Variants in SLC22A23 observed in about 807,000 individuals in gnomAD.
SLC22A23 encodes the protein ion transporter protein.
SLC22A23 carries 26 observed loss-of-function variants against 61.0 expected under a neutral mutation model. That is an observed-to-expected ratio of 0.43 (90% CI 0.31 to 0.59). The LOEUF is 0.59. Ranked by LOEUF, SLC22A23 falls within the 20% of genes least tolerant of loss-of-function variation. SLC22A23 has a pLI of 0.11. For missense variants in SLC22A23, 796 were observed against 934.7 expected (o/e 0.85, Z 1.94); for synonymous variants, 430 against 413.9 (o/e 1.04, Z -0.47).
intron 3 of SLC22A23, among the ~76,000 whole-genome samples, chr6:3,404,283 A>C (rs1433636920): frequency 6.6e-6 from 1 of 152,248 alleles, no homozygotes; most frequent in Non-Finnish European, 1.5e-5. Flanking sequence ...ACATTTAGGC[A>C]ATAGCTACAT....
intron 3 of SLC22A23, among the ~76,000 whole-genome samples, chr6:3,363,880 T>C (rs369118833): frequency 1.3e-5 from 2 of 152,240 alleles, no homozygotes; most frequent in East Asian, 3.9e-4. Flanking sequence ...AGACAGGACA[T>C]GGGGCAGAGC....
intron 3 of SLC22A23, among the ~76,000 whole-genome samples, chr6:3,334,025 C>G (rs906654807): frequency 6.6e-6 from 1 of 152,244 alleles, no homozygotes; most frequent in African/African-American, 2.4e-5. Context: ...GAGTTTTATA[C>G]ATCTCAGCCC....
At chr6:3,442,527 T>C (rs1341207901) in intron 1 of SLC22A23, among the ~76,000 whole-genome samples, 1 of 151,878 alleles carries the variant, frequency 6.6e-6, no homozygotes, top group Non-Finnish European at 1.5e-5. Flanking sequence ...AACAGTGGAG[T>C]TCCTCAACAC....
chr6:3,285,613 G>A (rs969955841), intron 7 of SLC22A23, among the ~76,000 whole-genome samples: 3 of 28,896 alleles, frequency 1.0e-4, no homozygotes, highest in Admixed American at 1.9e-3. Flanking sequence ...GTGTGAGCAG[G>A]AGACTCCCTG....
At chr6:3,311,701 A>T (rs1426703743) in intron 4 of SLC22A23, 1 of 152,232 alleles carries the variant, frequency 6.6e-6, no homozygotes, top group African/African-American at 2.4e-5. Context: ...CTTGGGAGAA[A>T]AAGTGCATTC....
At position 3,286,705 on chromosome 6, in the gene SLC22A23, A is replaced by G. The variant is rs1760041111; in HGVS notation, c.1546+154T>C. Among the ~76,000 whole-genome samples, 1 of 152,192 alleles carries G rather than the reference A, an allele frequency of 6.6e-6. No homozygotes were observed. Among genetic ancestry groups the G allele is most frequent in the African/African-American group, 2.4e-5 (1 of 41,454 alleles). Reference sequence around the variant, plus strand: ...GTGCCCTCTAAGGCGGGCTCCACAGATGCTCTCAACTGAAGCTCTGTTCTC... The same window carrying G: ...GTGCCCTCTAAGGCGGGCTCCACAGGTGCTCTCAACTGAAGCTCTGTTCTC... On this transcript the variant is annotated intron_variant, in intron 7 of 9. Transcript: ENST00000406686. The surrounding 1 kb of genome is among the most constrained non-coding windows in gnomAD (Gnocchi z 4.2).
intron 9 of SLC22A23, among the ~76,000 whole-genome samples, chr6:3,278,847 C>T (rs776750778): frequency 2.0e-5 from 3 of 152,196 alleles, no homozygotes; most frequent in Non-Finnish European, 4.4e-5. Flanking sequence ...TCCCAGGTTT[C>T]TGCCTGACCT....
chr6:3,451,130 TTACTC>T (rs1772137530), intron 1 of SLC22A23, among the ~76,000 whole-genome samples: 1 of 152,218 alleles, frequency 6.6e-6, no homozygotes, highest in Non-Finnish European at 1.5e-5. Context: ...GTTCTAGAGA[TTACTC>T]AAGAAAGTGC....
At chr6:3,403,641 A>G (rs10900941) in intron 3 of SLC22A23, among the ~76,000 whole-genome samples, 78,232 of 151,940 alleles carry the variant, frequency 0.51, 21,375 homozygotes, top group African/African-American at 0.69. Flanking sequence ...TGGACTTGAG[A>G]CTGGCACATC....
chr6:3,399,164 C>T (rs1768212817), intron 3 of SLC22A23, among the ~76,000 whole-genome samples: 1 of 152,202 alleles, frequency 6.6e-6, no homozygotes, highest in African/African-American at 2.4e-5. Context: ...TGGGTTCCTA[C>T]AGGCCTGGCG....
At chr6:3,283,186 C>T (rs1759637186) in intron 9 of SLC22A23, among the ~76,000 whole-genome samples, 1 of 152,070 alleles carries the variant, frequency 6.6e-6, no homozygotes, top group Admixed American at 6.5e-5. Flanking sequence ...AATCCTAGCA[C>T]TTTGGGAGGC....
Position 3,324,269 on chromosome 6 carries a change from A to C in SLC22A23, c.914-267T>G. On this transcript the variant is annotated intron_variant, in intron 3 of 9. Coordinates refer to ENST00000406686, the MANE Select transcript of SLC22A23 (RefSeq NM_015482.2). This position sits in a 1 kb window ranked among gnomAD's most constrained non-coding sequence, Gnocchi z 4.3. ...TATAATTCAGAGGAGCTTAGCTCAG[A>C]AACCAGGAAATGGTACTGCCTATGG... 2.1e-6 allele frequency: 1 copy of C among 475,838 alleles called. No individual in the cohort carries two copies. Among genetic ancestry groups the C allele is most frequent in the Non-Finnish European group, 3.8e-6 (1 of 263,600 alleles). 29.5% of individuals were successfully genotyped at this position (475,838 alleles called of 1,614,324 possible). A position where few individuals can be genotyped will look rare whatever the true frequency, so the allele number is the denominator to read the frequency against.
intron 9 of SLC22A23, chr6:3,283,358 G>A (rs968603778): frequency 5.6e-6 from 1 of 179,950 alleles, no homozygotes; most frequent in African/African-American, 2.4e-5. Flanking sequence ...CCTGAACTTG[G>A]GAGGCAGAGG....
intron 9 of SLC22A23, among the ~76,000 whole-genome samples, chr6:3,277,852 A>G (rs1759055601): frequency 6.6e-6 from 1 of 152,252 alleles, no homozygotes; most frequent in African/African-American, 2.4e-5. Context: ...TACGGCCAGG[A>G]TAGTGAGATG....
At chr6:3,391,078 A>C (rs1181751939) in intron 3 of SLC22A23, among the ~76,000 whole-genome samples, 1 of 152,212 alleles carries the variant, frequency 6.6e-6, no homozygotes, top group Non-Finnish European at 1.5e-5. Flanking sequence ...CGGAGCTACA[A>C]TGAAAATAAC....
At chr6:3,303,574 A>G (rs1372054227) in intron 4 of SLC22A23, among the ~76,000 whole-genome samples, 1 of 152,260 alleles carries the variant, frequency 6.6e-6, no homozygotes, top group Non-Finnish European at 1.5e-5. Context: ...GAAAGACATT[A>G]TGTTACGAGA....
rs1015456177 is a variant in SLC22A23, at chr6:3,410,880, G to A, written c.759-538C>T. The stretch of plus-strand genomic sequence containing the variant: ...TGTCAATTTGTTTCAGCTACACGAC[G>A]AGAAGTAATTTTTAAGGGATCACAC... On this transcript the variant is annotated intron_variant, in intron 2 of 9. Coordinates refer to ENST00000406686, the MANE Select transcript of SLC22A23 (RefSeq NM_015482.2). This position sits in a 1 kb window ranked among gnomAD's most constrained non-coding sequence, Gnocchi z 5.0. 1.7e-4 allele frequency among the ~76,000 whole-genome samples: 26 copies of A among 152,194 alleles called. No individual in the cohort carries two copies. Among genetic ancestry groups the A allele is most frequent in the Non-Finnish European group, 2.1e-4 (14 of 68,046 alleles).
chr6:3,320,120 C>T (rs796646178), intron 4 of SLC22A23, among the ~76,000 whole-genome samples: 19 of 152,352 alleles, frequency 1.2e-4, no homozygotes, highest in African/African-American at 4.3e-4. Context: ...AGAGTCCTCA[C>T]GCTTCTCTCT....
intron 9 of SLC22A23, among the ~76,000 whole-genome samples, chr6:3,280,012 C>T (rs1315312352): frequency 8.5e-5 from 13 of 152,136 alleles, no homozygotes; most frequent in Admixed American, 8.5e-4. Flanking sequence ...ACACCCGAGG[C>T]GAGGCTCCTG....
Sources: gnomAD v4.1 joint callset for allele counts (sites outside exome capture counted in the v4.1 genomes callset) on GRCh38, gnomAD v4.1.1 for gene constraint, Gnocchi (gnomAD v3.1) non-coding constraint, MANE v1.5 for transcripts, NCBI Gene and HGNC (gene_info 2026-07-23, HGNC 2026-07-21) for gene names.